FER: variants seen among roughly 807,000 people sequenced by gnomAD.
FER encodes the protein FER tyrosine kinase, also known as tyrosine-protein kinase Fer.
A neutral mutation model predicts 111.0 loss-of-function variants in FER; 63 were observed. The ratio of observed to expected loss-of-function variants is 0.57; its 90% CI spans 0.46 to 0.70. The LOEUF (loss-of-function observed/expected upper bound fraction) is 0.70. FER is among the 30% of genes least tolerant of loss of function. The pLI is 0.00. For missense variants in FER, 914 were observed against 954.0 expected, an observed-to-expected ratio of 0.96 and a Z score of 0.55; for synonymous variants, 327 against 313.9, an observed-to-expected ratio of 1.04 and a Z score of -0.44.
At chr5:108,960,898 C>T (rs1223401053) in intron 13 of FER, among the ~76,000 whole-genome samples, 2 of 152,098 alleles carry the variant, frequency 1.3e-5, no homozygotes, top group Non-Finnish European at 2.9e-5. Flanking sequence ...CTCTAACACT[C>T]TAGGTTACAA....
chr5:109,085,723 A>C (rs10477436), intron 16 of FER, among the ~76,000 whole-genome samples: 51,112 of 151,350 alleles, frequency 0.34, 9,092 homozygotes, highest in African/African-American at 0.45. Context: ...AGGAAGTTCT[A>C]TTCTTTCCCT....
chr5:109,179,077 T>C (rs1241407798), intron 17 of FER, among the ~76,000 whole-genome samples: 3 of 152,246 alleles, frequency 2.0e-5, no homozygotes, highest in Non-Finnish European at 4.4e-5. Context: ...ACTTTGTGTA[T>C]TTTTGCAGCC....
At chr5:108,948,051 A>T (rs186377076) in intron 11 of FER, among the ~76,000 whole-genome samples, 1 of 152,126 alleles carries the variant, frequency 6.6e-6, no homozygotes, top group Admixed American at 6.6e-5. Context: ...TGCAACAACT[A>T]TGAATCACTG....
chr5:109,047,070 A>T, intron 15 of FER, 34 bp from the exon 16 acceptor site: 1 of 1,107,956 alleles, frequency 9.0e-7, no homozygotes, highest in Middle Eastern at 2.0e-4. Flanking sequence ...TATTATTCAA[A>T]TGATAACTAT....
chr5:108,865,957 G>C (rs1282050211), intron 5 of FER, among the ~76,000 whole-genome samples: 1 of 152,166 alleles, frequency 6.6e-6, no homozygotes, highest in Non-Finnish European at 1.5e-5. Context: ...AGAGGATGTG[G>C]AGAAATAGGA....
intron 17 of FER, among the ~76,000 whole-genome samples, chr5:109,152,624 A>T (rs1003336532): frequency 6.6e-6 from 1 of 152,056 alleles, no homozygotes; most frequent in South Asian, 2.1e-4. Context: ...TATAAAACAA[A>T]TATAATCAGA....
At chr5:109,124,320 A>C (rs1751390715) in intron 17 of FER, among the ~76,000 whole-genome samples, 1 of 152,210 alleles carries the variant, frequency 6.6e-6, no homozygotes, top group African/African-American at 2.4e-5. Context: ...GCTTTCATTA[A>C]CTAAATGCTG....
intron 17 of FER, among the ~76,000 whole-genome samples, chr5:109,173,890 A>G (rs547991273): frequency 1.4e-4 from 22 of 152,210 alleles, no homozygotes; most frequent in African/African-American, 4.6e-4. Flanking sequence ...CTCACAATAA[A>G]TATCTGTAGG....
intron 10 of FER, among the ~76,000 whole-genome samples, chr5:108,939,075 C>G (rs1755903718): frequency 6.6e-6 from 1 of 151,974 alleles, no homozygotes; most frequent in Non-Finnish European, 1.5e-5. Context: ...ACTATGACAT[C>G]TATTAATGGC....
intron 2 of FER, among the ~76,000 whole-genome samples, chr5:108,788,169 T>C (rs1218839324): frequency 2.0e-5 from 3 of 152,120 alleles, no homozygotes; most frequent in Non-Finnish European, 4.4e-5. Flanking sequence ...GCCATCGTTT[T>C]CCCCCTGTCC....
Position 108,954,742 on chromosome 5 carries a change from T to A in FER, c.1343T>A (p.Ile448Asn), listed in dbSNP as rs1758217847. The change falls in exon 12 of 20, where the codon ATC (isoleucine) becomes AAC (asparagine). Residue 448 changes from isoleucine (I) to asparagine (N), a missense_variant. This residue lies in a region of FER where 774 missense variants were observed against 782.6 expected (regional missense o/e 0.99). Transcript: ENST00000281092. ...TATTTGTTTAAGCTTTCTGATATGATCTCCATCAGTGAGAAGCCTTTGGCA... is the reference window on the plus strand; with the variant it reads ...TATTTGTTTAAGCTTTCTGATATGAACTCCATCAGTGAGAAGCCTTTGGCA... ...ALGSSALSDMISISEKPLAEQ... is the reference protein window; with the variant it reads ...ALGSSALSDMNSISEKPLAEQ... 3.1e-6 allele frequency: 5 copies of A among 1,588,438 alleles called. No individual in the cohort carries two copies. Among genetic ancestry groups the A allele is most frequent in the African/African-American group, 1.4e-5 (1 of 74,010 alleles).
At chr5:109,018,173 G>A (rs1215660347) in intron 13 of FER, among the ~76,000 whole-genome samples, 1 of 151,742 alleles carries the variant, frequency 6.6e-6, no homozygotes, top group African/African-American at 2.4e-5. Flanking sequence ...AAATGAGACT[G>A]AGACAAACAG....
At chr5:108,998,635 A>G (rs1402790582) in intron 13 of FER, among the ~76,000 whole-genome samples, 1 of 152,226 alleles carries the variant, frequency 6.6e-6, no homozygotes, top group African/African-American at 2.4e-5. Flanking sequence ...TGTTCCATCA[A>G]TACCTAGTTT....
chr5:108,882,700 G>C (rs1765798003), intron 8 of FER, among the ~76,000 whole-genome samples: 1 of 150,998 alleles, frequency 6.6e-6, no homozygotes, highest in Non-Finnish European at 1.5e-5. Context: ...TTGTCTTTTG[G>C]GTTTCATGTC....
chr5:108,810,233 T>TTA (rs1757611933), intron 3 of FER, among the ~76,000 whole-genome samples: 1 of 152,196 alleles, frequency 6.6e-6, no homozygotes, highest in Non-Finnish European at 1.5e-5. Context: ...TGGGCTTTCT[T>TTA]TATATATAAG....
intron 16 of FER, among the ~76,000 whole-genome samples, chr5:109,072,519 A>G (rs1036621090): frequency 2.6e-5 from 4 of 151,848 alleles, no homozygotes; most frequent in Non-Finnish European, 5.9e-5. Flanking sequence ...AATAAATGAA[A>G]TCTTATGCCT....
chr5:108,812,654 T>C (rs2150081110), intron 3 of FER, among the ~76,000 whole-genome samples: 1 of 152,282 alleles, frequency 6.6e-6, no homozygotes, highest in African/African-American at 2.4e-5. Flanking sequence ...TCCTTTCTCC[T>C]GTTTCTTTTG....
At chr5:108,796,478 G>A (rs1756031933) in intron 2 of FER, among the ~76,000 whole-genome samples, 2 of 152,174 alleles carry the variant, frequency 1.3e-5, no homozygotes, top group Non-Finnish European at 2.9e-5. Flanking sequence ...GTTTCTGTAG[G>A]CTCCAAGTGG....
At chr5:108,936,342 TC>T (rs1235240409) in intron 10 of FER, among the ~76,000 whole-genome samples, 9 of 150,042 alleles carry the variant, frequency 6.0e-5, no homozygotes, top group African/African-American at 1.5e-4. Context: ...GAGTACCCAT[TC>T]TTAATTTTTA....
Sources: gnomAD v4.1 joint callset for allele counts (sites outside exome capture counted in the v4.1 genomes callset) on GRCh38, gnomAD v4.1.1 for gene constraint, gnomAD v4.1.1 regional missense constraint, MANE v1.5 for transcripts, NCBI Gene and HGNC (gene_info 2026-07-23, HGNC 2026-07-21) for gene names.